SLC24A3: variants seen among roughly 807,000 people sequenced by gnomAD.
SLC24A3 encodes solute carrier family 24 member 3.
In SLC24A3, 28 loss-of-function variants were observed where a neutral mutation model predicts 75.8. The observed-to-expected ratio is 0.37, with a 90% CI of 0.27 to 0.51. SLC24A3 has a LOEUF of 0.51. Ranked by LOEUF, SLC24A3 falls within the 20% of genes least tolerant of loss-of-function variation. The probability of loss-of-function intolerance (pLI) is 0.94; values close to 1 mark genes in which losing one functional copy is unlikely to be tolerated. For synonymous variants in SLC24A3, 372 were observed against 334.1 expected (o/e 1.11, Z -1.24); for missense variants, 663 against 847.8 (o/e 0.78, Z 2.71).
chr20:19,212,951 C>A lies in SLC24A3; in HGVS notation c.109C>A (p.Leu37Ile). 1 of 1,328,460 alleles carries A rather than the reference C, an allele frequency of 7.5e-7. No individual in the cohort carries two copies. The highest frequency in any genetic ancestry group is 9.6e-7 in the Non-Finnish European group (1 of 1,036,984). The allele number at this position is 1,328,460 out of a possible 1,614,324, so 82.3% of individuals were successfully genotyped here. Residue 37 changes from leucine to isoleucine, a missense_variant, in exon 1 of 17, where the codon CTC becomes ATC. By Grantham distance (5) the Leu-to-Ile change is conservative. This residue lies in a region of SLC24A3 where 153 missense variants were observed against 144.2 expected (regional missense o/e 1.06). Coordinates refer to ENST00000328041, the MANE Select transcript of SLC24A3 (RefSeq NM_020689.4). ...CTTCCTGGCCTCGGTGGCGCTGCTG[C>A]TCTGGTCGCTGTCGAGCCTGCGAGA... ...LCFLASVALL[L>I]WSLSSLREQK...
At chr20:19,576,881 G>A (rs1317610586) in intron 3 of SLC24A3, among the ~76,000 whole-genome samples, 1 of 152,074 alleles carries the variant, frequency 6.6e-6, no homozygotes, top group African/African-American at 2.4e-5. Flanking sequence ...GTGCAATTCT[G>A]TATCCCAATT....
intron 3 of SLC24A3, among the ~76,000 whole-genome samples, chr20:19,573,456 C>A (rs1009607811): frequency 6.6e-6 from 1 of 152,212 alleles, no homozygotes; most frequent in Non-Finnish European, 1.5e-5. Flanking sequence ...TACCTCTACC[C>A]AGCACAGTAT....
chr20:19,315,042 G>C (rs546098492), intron 2 of SLC24A3, among the ~76,000 whole-genome samples: 1 of 152,310 alleles, frequency 6.6e-6, no homozygotes, highest in East Asian at 1.9e-4. Context: ...CCAGTGTGCT[G>C]GCAATCAGGT....
At chr20:19,599,402 G>T (rs1426099801) in intron 6 of SLC24A3, among the ~76,000 whole-genome samples, 1 of 152,090 alleles carries the variant, frequency 6.6e-6, no homozygotes, top group African/African-American at 2.4e-5. Context: ...GGCGGACGGC[G>T]TGTGTGATGC....
In SLC24A3 at chr20:19,693,304, G is replaced by T; in HGVS notation, c.1370G>T (p.Ser457Ile). ...TVKWAFTWPL[S>I]FVLYFTVPNC... ...AAATGGGCGTTCACCTGGCCGCTGA[G>T]TTTCGTCTTATACTTCACTGTACCC... Residue 457 changes from serine (S) to isoleucine (I), a missense_variant, in exon 13 of 17, where the codon AGT becomes ATT. Ser to Ile is a moderately radical substitution (Grantham distance 142, BLOSUM62 -2). Around this residue, in one of 2 missense-constraint regions of SLC24A3, gnomAD observed 510 missense variants for 703.6 expected, o/e 0.72. Coordinates refer to ENST00000328041, the MANE Select transcript of SLC24A3 (RefSeq NM_020689.4). 6.2e-7 allele frequency: 1 copy of T among 1,614,020 alleles called. No individual in the cohort carries two copies. The highest frequency in any genetic ancestry group is 8.5e-7 in the Non-Finnish European group (1 of 1,180,000).
intron 1 of SLC24A3, among the ~76,000 whole-genome samples, chr20:19,274,385 G>A (rs1173622974): frequency 1.3e-5 from 2 of 152,090 alleles, no homozygotes; most frequent in East Asian, 3.9e-4. Flanking sequence ...CTGACTTTCT[G>A]GAAGCTTTGA....
rs1568689656 is a variant in SLC24A3, at chr20:19,663,456, T to TCCTCCTCCTCCTCCTCTG, written c.688-2392_688-2391insTGCCTCCTCCTCCTCCTC. Among the ~76,000 whole-genome samples, 106 of 11,464 alleles carry TCCTCCTCCTCCTCCTCTG rather than the reference T, an allele frequency of 9.2e-3. 20 individuals are homozygous for TCCTCCTCCTCCTCCTCTG. The highest frequency in any genetic ancestry group is 0.036 in the African/African-American group (27 of 740). 7.5% of individuals were successfully genotyped at this position (11,464 alleles called of 152,430 possible). A position where few individuals can be genotyped will look rare whatever the true frequency, so the allele number is the denominator to read the frequency against. ...CTCCGCCTTCTCATCCTCCTCCACT[T>TCCTCCTCCTCCTCCTCTG]CCTCCTCCTCCTCCTCCTCCGCCTT... On this transcript the variant is annotated intron_variant, in intron 7 of 16. Coordinates refer to ENST00000328041, the MANE Select transcript of SLC24A3 (RefSeq NM_020689.4).
rs138260169 is a variant in SLC24A3 at position 19,349,606 on chromosome 20, G to A, written c.271+68519G>A. Among the ~76,000 whole-genome samples the A allele has an allele frequency of 2.7e-3, 408 of 152,256 alleles. 2 individuals carry two copies. Among genetic ancestry groups the A allele is most frequent in the African/African-American group, 9.6e-3 (398 of 41,532 alleles). ...AATATCCCAGTTCCCTTGCCTATTC[G>A]ATGGGATGGCTCTGAGGTGCATGCT... is the stretch of plus-strand genomic sequence containing the variant. On this transcript the variant is annotated intron_variant, in intron 2 of 16. Transcript: ENST00000328041.
intron 6 of SLC24A3, among the ~76,000 whole-genome samples, chr20:19,620,652 A>T (rs1051089046): frequency 6.6e-6 from 1 of 152,220 alleles, no homozygotes; most frequent in African/African-American, 2.4e-5. Context: ...GGACATTAGC[A>T]GGTCTTCTGT....
chr20:19,643,935 ATTTTAAAATAAATTC>A (rs1390089813), intron 6 of SLC24A3, among the ~76,000 whole-genome samples: 4 of 152,214 alleles, frequency 2.6e-5, no homozygotes, highest in Non-Finnish European at 4.4e-5. Context: ...ACAGGTATAC[ATTTTAAAATAAATTC>A]AGCTCCACTC....
At chr20:19,479,637 T>C (rs902763159) in intron 2 of SLC24A3, among the ~76,000 whole-genome samples, 2 of 152,138 alleles carry the variant, frequency 1.3e-5, no homozygotes, top group African/African-American at 4.8e-5. Flanking sequence ...GCAGATTGCT[T>C]TTGTGGGCAA....
chr20:19,272,861 TC>T (rs1228943255), intron 1 of SLC24A3, among the ~76,000 whole-genome samples: 7 of 151,950 alleles, frequency 4.6e-5, no homozygotes, highest in African/African-American at 1.5e-4. Flanking sequence ...TAACTGAACT[TC>T]CCTGGAGCTT....
intron 2 of SLC24A3, among the ~76,000 whole-genome samples, chr20:19,337,185 C>T (rs1210721703): frequency 6.6e-6 from 1 of 152,234 alleles, no homozygotes; most frequent in African/African-American, 2.4e-5. Context: ...TGGCTCACGC[C>T]TGTAATCCCA....
Position 19,216,709 on chromosome 20 carries a change from GTATT to G in SLC24A3, c.142+3729_142+3732del, listed in dbSNP as rs762486468. ...TACCTATGTGCATGAATGTATGTAT[GTATT>G]TATGTATATACTTTGAGCTACTTTC... On this transcript the variant is annotated intron_variant, in intron 1 of 16. Transcript: ENST00000328041. Among the ~76,000 whole-genome samples, 22 of 152,306 alleles carry G rather than the reference GTATT, an allele frequency of 1.4e-4. No individual in the cohort carries two copies. In the East Asian group the frequency reaches 2.1e-3, roughly 15 times the overall value.
intron 2 of SLC24A3, among the ~76,000 whole-genome samples, chr20:19,448,235 G>A (rs937656419): frequency 6.6e-6 from 1 of 152,172 alleles, no homozygotes; most frequent in African/African-American, 2.4e-5. Context: ...CCCATGATCT[G>A]CGATTATTTT....
At chr20:19,664,626 G>C (rs1052278703) in intron 7 of SLC24A3, among the ~76,000 whole-genome samples, 1 of 152,152 alleles carries the variant, frequency 6.6e-6, no homozygotes, top group Non-Finnish European at 1.5e-5. Flanking sequence ...TGCCATGCCC[G>C]CTTTGTTAAC....
At chr20:19,538,491 A>C (rs2030439231) in intron 3 of SLC24A3, among the ~76,000 whole-genome samples, 1 of 152,220 alleles carries the variant, frequency 6.6e-6, no homozygotes, top group South Asian at 2.1e-4. Flanking sequence ...ATAGATGAGA[A>C]TGTTCAAATG....
At chr20:19,506,016 G>T (rs934036962) in intron 2 of SLC24A3, among the ~76,000 whole-genome samples, 4 of 152,142 alleles carry the variant, frequency 2.6e-5, no homozygotes, top group Non-Finnish European at 5.9e-5. Flanking sequence ...TATTTCATAA[G>T]CATCATCATC....
At chr20:19,684,023 G>A (rs1407549487) in intron 10 of SLC24A3, among the ~76,000 whole-genome samples, 153 bp from the exon 11 acceptor site, 3 of 152,068 alleles carry the variant, frequency 2.0e-5, no homozygotes, top group African/African-American at 7.2e-5. Flanking sequence ...GAAGAAATAA[G>A]GAAAGAAGAG....
Sources: allele counts gnomAD v4.1 joint callset (sites outside exome capture counted in the v4.1 genomes callset), GRCh38; gene constraint gnomAD v4.1.1; regional missense constraint gnomAD v4.1.1; transcripts MANE v1.5; gene names NCBI Gene and HGNC (gene_info 2026-07-23, HGNC 2026-07-21).